The following PRRT1 variants were observed in gnomAD, a reference collection of about 807,000 sequenced individuals.
PRRT1 encodes the protein proline-rich transmembrane protein 1.
In PRRT1, 8 loss-of-function variants were observed where a neutral mutation model predicts 22.6. The observed-to-expected ratio is 0.35, with a 90% CI of 0.21 to 0.64. PRRT1 has a LOEUF of 0.64. Among genes scored for constraint, PRRT1 ranks in the 30% least tolerant of loss-of-function variants. PRRT1 has a pLI of 0.69. For missense variants in PRRT1, 315 were observed against 444.5 expected (o/e 0.71, Z 2.62); for synonymous variants, 176 against 203.6 (o/e 0.86, Z 1.15).
In PRRT1 at chr6:32,148,783, C is replaced by T; in HGVS notation, c.*439G>A. ...GTCCGTCTGTGGGCGAGGCCTGGAGCCACAAACCCAATCACTGGACTGAAT... is the reference window on the plus strand; with the variant it reads ...GTCCGTCTGTGGGCGAGGCCTGGAGTCACAAACCCAATCACTGGACTGAAT... On this transcript the variant is annotated 3_prime_UTR_variant, in exon 4 of 4. Transcript: ENST00000211413. This position sits in a 1 kb window ranked among gnomAD's most constrained non-coding sequence, Gnocchi z 5.7. 2.1e-6 allele frequency: 1 copy of T among 477,206 alleles called. No homozygotes were observed. The highest frequency in any genetic ancestry group is 4.1e-6 in the Non-Finnish European group (1 of 241,122). 29.6% of individuals were successfully genotyped at this position (477,206 alleles called of 1,614,324 possible). A position where few individuals can be genotyped will look rare whatever the true frequency, so the allele number is the denominator to read the frequency against.
At position 32,150,691 on chromosome 6, in the gene PRRT1, C is replaced by T; in HGVS notation, c.235G>A (p.Ala79Thr). Residue 79 changes from alanine to threonine, a missense_variant, in exon 2 of 4, where the codon GCC becomes ACC. By Grantham distance (58) the Ala-to-Thr change is moderately conservative (BLOSUM62 0). This residue lies in a region of PRRT1 where 263 missense variants were observed against 328.5 expected (regional missense o/e 0.80). Coordinates refer to ENST00000211413, the MANE Select transcript of PRRT1 (RefSeq NM_030651.4). The surrounding 1 kb of genome is among the most constrained non-coding windows in gnomAD (Gnocchi z 7.2). ...ATAQRGPSSS[A>T]TLPRPPHHAP... is the part of the protein sequence containing the mutation. Reference sequence around the variant, plus strand: ...TGGTGGGGGGGCCTCGGCAGCGTGGCAGAGGAGGAGGGACCGCGCTGAGCG... The same window carrying T: ...TGGTGGGGGGGCCTCGGCAGCGTGGTAGAGGAGGAGGGACCGCGCTGAGCG... 7.0e-7 allele frequency: 1 copy of T among 1,437,032 alleles called. No individual in the cohort carries two copies. Among genetic ancestry groups the T allele is most frequent in the Non-Finnish European group, 9.1e-7 (1 of 1,099,818 alleles). The allele number at this position is 1,437,032 out of a possible 1,614,324, so 89.0% of individuals were successfully genotyped here.
Position 32,150,807 on chromosome 6 carries a change from G to A in PRRT1, c.119C>T (p.Ser40Leu). The change falls in exon 2 of 4, where the codon TCA becomes TTA. Residue 40 changes from serine (S) to leucine (L), a missense_variant. Physicochemically the swap from Ser to Leu is moderately radical, Grantham distance 145. Transcript: ENST00000211413. This position sits in a 1 kb window ranked among gnomAD's most constrained non-coding sequence, Gnocchi z 7.2. ...PAPPPQAAPS[S>L]HHHHHHHYHQ... ...GTAGTGGTGGTGGTGGTGATGGTGT[G>A]AGGAAGGGGCTGCCTGTGGCGGTGG... 5 of 1,573,120 alleles carry A rather than the reference G, an allele frequency of 3.2e-6. No individual in the cohort carries two copies. The highest frequency in any genetic ancestry group is 4.3e-6 in the Non-Finnish European group (5 of 1,160,792).
chr6:32,151,952 G>T, upstream of PRRT1: 1 of 112,822 alleles, frequency 8.9e-6, no homozygotes, highest in South Asian at 1.0e-4. Flanking sequence ...AGGCAGCGGC[G>T]GGGGGGGGGG....
chr6:32,150,532 G>A lies in PRRT1; in HGVS notation c.394C>T (p.Pro132Ser). The A allele has an allele frequency of 7.3e-7, 1 of 1,371,822 alleles. No individual in the cohort carries two copies. The highest frequency in any genetic ancestry group is 9.4e-7 in the Non-Finnish European group (1 of 1,065,008). 85.0% of individuals were successfully genotyped at this position (1,371,822 alleles called of 1,614,324 possible). A position where few individuals can be genotyped will look rare whatever the true frequency, so the allele number is the denominator to read the frequency against. The part of the protein sequence containing the change: ...LPPPPPAAAA[P>S]PPPAPAQTAQ... ...GTCTGGGCTGGCGCCGGCGGGGGCG[G>A]GGCGGCGGCAGCGGGCGGCGGCGGG... is the stretch of plus-strand genomic sequence containing the variant. Residue 132 changes from proline to serine, a missense_variant, in exon 2 of 4, where the codon CCG becomes TCG. Transcript: ENST00000211413. This position sits in a 1 kb window ranked among gnomAD's most constrained non-coding sequence, Gnocchi z 7.2.
At position 32,149,680 on chromosome 6, in the gene PRRT1, T is replaced by A; in HGVS notation, c.601A>T (p.Thr201Ser). Residue 201 changes from threonine to serine, a missense_variant, in exon 3 of 4, where the codon ACT becomes TCT. Thr to Ser is a moderately conservative substitution (Grantham distance 58, BLOSUM62 1). Transcript: ENST00000211413. This position sits in a 1 kb window ranked among gnomAD's most constrained non-coding sequence, Gnocchi z 8.7. The part of the protein sequence containing the change: ...GTPGGTGVTS[T>S]LPPPPQGPGL... Reference sequence around the variant, plus strand: ...GGGCCCTGGGGCGGCGGGGGGAGAGTGGAGGTCACTCCTGTTCCCCCCGGG... The same window carrying A: ...GGGCCCTGGGGCGGCGGGGGGAGAGAGGAGGTCACTCCTGTTCCCCCCGGG... 3 of 1,609,426 alleles carry A rather than the reference T, an allele frequency of 1.9e-6. No homozygotes were observed. Among genetic ancestry groups the A allele is most frequent in the Non-Finnish European group, 2.5e-6 (3 of 1,178,568 alleles).
chr6:32,149,119 C>T lies in PRRT1; in HGVS notation c.*103G>A. ...TTTACGATGTATCCAAGTCTGACGG[C>T]CCCAGAAACGGGTGTGCAGGGCGCC... is the stretch of plus-strand genomic sequence containing the variant. On this transcript the variant is annotated 3_prime_UTR_variant, in exon 4 of 4. Coordinates refer to ENST00000211413, the MANE Select transcript of PRRT1 (RefSeq NM_030651.4). This position sits in a 1 kb window ranked among gnomAD's most constrained non-coding sequence, Gnocchi z 8.7. 1 of 1,217,720 alleles carries T rather than the reference C, an allele frequency of 8.2e-7. No individual in the cohort carries two copies. The highest frequency in any genetic ancestry group is 1.2e-6 in the Non-Finnish European group (1 of 837,098). The allele number at this position is 1,217,720 out of a possible 1,614,324, so 75.4% of individuals were successfully genotyped here. A position where few individuals can be genotyped will look rare whatever the true frequency, so the allele number is the denominator to read the frequency against.
Position 32,150,891 on chromosome 6 carries a change from A to G in PRRT1, c.35T>C (p.Val12Ala). 6.3e-7 allele frequency: 1 copy of G among 1,579,814 alleles called. No homozygotes were observed. The highest frequency in any genetic ancestry group is 8.6e-7 in the Non-Finnish European group (1 of 1,167,962). ...SSEKSGLPDSVPHTSPPPYNA... is the reference protein window; with the variant it reads ...SSEKSGLPDSAPHTSPPPYNA... ...GTAGGGCGGCGGAGAAGTGTGAGGG[A>G]CTGAGTCTGGGAGTCCTGGGGGAGG... Residue 12 changes from valine (V) to alanine (A), a missense_variant, in exon 2 of 4, where the codon GTC (valine) becomes GCC (alanine). Val to Ala is a moderately conservative substitution (Grantham distance 64). Around this residue, in one of 4 missense-constraint regions of PRRT1, gnomAD observed 263 missense variants for 328.5 expected, o/e 0.80. Coordinates refer to ENST00000211413, the MANE Select transcript of PRRT1 (RefSeq NM_030651.4). This position sits in a 1 kb window ranked among gnomAD's most constrained non-coding sequence, Gnocchi z 7.2.
chr6:32,150,320 T>G lies in PRRT1; in HGVS notation c.558+48A>C. On this transcript the variant is annotated intron_variant, in intron 2 of 3. Transcript: ENST00000211413. This position sits in a 1 kb window ranked among gnomAD's most constrained non-coding sequence, Gnocchi z 7.2. ...CCAGCGTATCCCCAATTTCAAGTCCTGTATCGCGTCCCCCTCTTTCCCATG... is the reference window on the plus strand; with the variant it reads ...CCAGCGTATCCCCAATTTCAAGTCCGGTATCGCGTCCCCCTCTTTCCCATG... The G allele has an allele frequency of 6.5e-7, 1 of 1,538,068 alleles. No homozygotes were observed. The highest frequency in any genetic ancestry group is 8.7e-7 in the Non-Finnish European group (1 of 1,152,372).
chr6:32,151,273 G>A (rs903558232), intron 1 of PRRT1: 7 of 523,886 alleles, frequency 1.3e-5, no homozygotes, highest in Non-Finnish European at 2.4e-5. Context: ...GCGTAGACAT[G>A]CAACCCTGTG....
Position 32,149,468 on chromosome 6 carries a change from A to G in PRRT1, c.744+69T>C, listed in dbSNP as rs1252478806. On this transcript the variant is annotated intron_variant, in intron 3 of 3. Coordinates refer to ENST00000211413, the MANE Select transcript of PRRT1 (RefSeq NM_030651.4). This position sits in a 1 kb window ranked among gnomAD's most constrained non-coding sequence, Gnocchi z 8.7. ...CGTTCGAACGCCTCAGCCTTTCTCTAAGATGGTCCCCAGAACGCCCAGAAC... is the reference window on the plus strand; with the variant it reads ...CGTTCGAACGCCTCAGCCTTTCTCTGAGATGGTCCCCAGAACGCCCAGAAC... 1 of 1,604,252 alleles carries G rather than the reference A, an allele frequency of 6.2e-7. No individual in the cohort carries two copies. Among genetic ancestry groups the G allele is most frequent in the African/African-American group, 1.3e-5 (1 of 74,772 alleles).
upstream of PRRT1, chr6:32,151,962 G>GT (rs1783331500): frequency 7.0e-5 from 21 of 299,838 alleles, no homozygotes; most frequent in Non-Finnish European, 1.2e-4. Context: ...GGGGGGGGGG[G>GT]GCGGGGGGGG....
In PRRT1 at chr6:32,150,131, A is replaced by C. The variant is rs1783176918; in HGVS notation, c.558+237T>G. ...TTTCCTACTTTCAGACCTCCTCTGA[A>C]CCTCTAGGCTCCGATCCCCCTCCCA... On this transcript the variant is annotated intron_variant, in intron 2 of 3. Coordinates refer to ENST00000211413, the MANE Select transcript of PRRT1 (RefSeq NM_030651.4). The surrounding 1 kb of genome is among the most constrained non-coding windows in gnomAD (Gnocchi z 7.2). Among the ~76,000 whole-genome samples, 1 of 149,312 alleles carries C rather than the reference A, an allele frequency of 6.7e-6. No homozygotes were observed. The highest frequency in any genetic ancestry group is 1.5e-5 in the Non-Finnish European group (1 of 67,260).
chr6:32,149,708 C>T lies in PRRT1; in HGVS notation c.573G>A (p.Gly191=), dbSNP rs771711091. ...VYPVGTPYAG[G]TPGGTGVTST... Reference sequence around the variant, plus strand: ...AGGTCACTCCTGTTCCCCCCGGGGTCCCGCCTGCATATGGCTGTGGAAGGA... The same window carrying T: ...AGGTCACTCCTGTTCCCCCCGGGGTTCCGCCTGCATATGGCTGTGGAAGGA... The change falls in exon 3 of 4, where the codon GGG becomes GGA. Residue 191 remains glycine (G), a synonymous_variant. Transcript: ENST00000211413. This position sits in a 1 kb window ranked among gnomAD's most constrained non-coding sequence, Gnocchi z 8.7. 5 of 1,591,552 alleles carry T rather than the reference C, an allele frequency of 3.1e-6. No individual in the cohort carries two copies. The highest frequency in any genetic ancestry group is 4.3e-6 in the Non-Finnish European group (5 of 1,169,432).
In PRRT1 at chr6:32,150,361, C is replaced by T; in HGVS notation, c.558+7G>A. 1 of 1,555,380 alleles carries T rather than the reference C, an allele frequency of 6.4e-7. No individual in the cohort carries two copies. Among genetic ancestry groups the T allele is most frequent in the Admixed American group, 2.0e-5 (1 of 49,026 alleles). On this transcript the variant is annotated splice_region_variant and intron_variant, in intron 2 of 3. Transcript: ENST00000211413. This position sits in a 1 kb window ranked among gnomAD's most constrained non-coding sequence, Gnocchi z 7.2. ...CTTTCCCATGTCCCTGTCTGCCCGG[C>T]ACTCACCGTGCCCACCGGGTAGACC...
chr6:32,151,311 A>G (rs547804060), intron 1 of PRRT1: 122 of 452,268 alleles, frequency 2.7e-4, no homozygotes, highest in Non-Finnish European at 4.0e-4. Flanking sequence ...CAACAGTTGT[A>G]TAAACACATG....
rs559240433 is a variant in PRRT1 at position 32,151,922 on chromosome 6, G to C, written c.-95C>G. ...GTGCTGGATGGCGCAGCCGGCAGCA[G>C]CGCAGAGATGGAGAGATGAAGGCAG... On this transcript the variant is annotated 5_prime_UTR_variant, in exon 1 of 4. Transcript: ENST00000211413. 705 of 714,338 alleles carry C rather than the reference G, an allele frequency of 9.9e-4. 8 individuals are homozygous for C. Among genetic ancestry groups the C allele is most frequent in the South Asian group, 8.8e-3 (649 of 73,918 alleles). 44.2% of individuals were successfully genotyped at this position (714,338 alleles called of 1,614,324 possible).
At chr6:32,152,000 G>GGGGGGGGC, upstream of PRRT1, 1 of 350,440 alleles carries the variant, frequency 2.9e-6, no homozygotes, top group Non-Finnish European at 5.7e-6. Flanking sequence ...GGGAGGGGGG[G>GGGGGGGGC]AGCTTAAAGG....
upstream of PRRT1, chr6:32,152,304 T>TC (rs951190692): frequency 3.5e-5 from 14 of 394,954 alleles, no homozygotes; most frequent in Non-Finnish European, 6.4e-5. Flanking sequence ...GCAGGTCGTC[T>TC]CCCCCTCTTA....
chr6:32,149,662 G>A lies in PRRT1; in HGVS notation c.619C>T (p.Gln207Ter). 1 of 1,611,910 alleles carries A rather than the reference G, an allele frequency of 6.2e-7. No individual in the cohort carries two copies. Residue 207 changes from glutamine (Q) to a stop codon, truncating the protein, a stop_gained, in exon 3 of 4, where the codon CAG becomes TAG. Transcript: ENST00000211413. LOFTEE classifies it high-confidence loss of function. This position sits in a 1 kb window ranked among gnomAD's most constrained non-coding sequence, Gnocchi z 8.7. ...TCCAGTAGGGCCAGCCCTGGGCCCT[G>A]GGGCGGCGGGGGGAGAGTGGAGGTC... Reference protein sequence around the residue: ...GVTSTLPPPPQGPGLALLEPR... With the variant: ...GVTSTLPPPP
Sources: allele counts gnomAD v4.1 joint callset (sites outside exome capture counted in the v4.1 genomes callset), GRCh38; gene constraint gnomAD v4.1.1; regional missense constraint gnomAD v4.1.1; non-coding constraint Gnocchi (gnomAD v3.1); transcripts MANE v1.5; gene names NCBI Gene and HGNC (gene_info 2026-07-23, HGNC 2026-07-21).